The following CNTNAP5 variants were observed in gnomAD, a reference collection of about 807,000 sequenced individuals.
CNTNAP5 encodes contactin-associated protein-like 5.
A neutral mutation model predicts 150.2 loss-of-function variants in CNTNAP5; 72 were observed. The ratio of observed to expected loss-of-function variants is 0.48; its 90% confidence interval spans 0.40 to 0.58. The LOEUF is 0.58. Among genes scored for constraint, CNTNAP5 ranks in the 20% least tolerant of loss-of-function variants. The pLI is 0.00. For missense variants in CNTNAP5, 1,636 were observed against 1,626.2 expected (o/e 1.01, Z -0.10); for synonymous variants, 672 against 619.8 (o/e 1.08, Z -1.25).
intron 3 of CNTNAP5, among the ~76,000 whole-genome samples, chr2:124,404,442 G>T (rs1287113594): frequency 6.6e-6 from 1 of 152,164 alleles, no homozygotes; most frequent in Non-Finnish European, 1.5e-5. Flanking sequence ...ACTCTCCACT[G>T]ATCAGTCCCA....
Position 124,291,561 on chromosome 2 carries a change from C to T in CNTNAP5, c.381+49168C>T, listed in dbSNP as rs150594429. ...TTTCTTCTGTTTTTTTTTTTATATG[C>T]GTAGACCTATGATTTAATCTAAGTT... On this transcript the variant is annotated intron_variant, in intron 3 of 23. Coordinates refer to ENST00000682447, the MANE Select transcript of CNTNAP5 (RefSeq NM_001367498.1). Among the ~76,000 whole-genome samples, 1,422 of 150,752 alleles carry T rather than the reference C, an allele frequency of 9.4e-3. 23 individuals are homozygous for T. Among genetic ancestry groups the T allele is most frequent in the African/African-American group, 0.032 (1,327 of 41,154 alleles).
At chr2:124,071,210 T>C (rs186803335) in intron 1 of CNTNAP5, among the ~76,000 whole-genome samples, 1 of 151,902 alleles carries the variant, frequency 6.6e-6, no homozygotes, top group African/African-American at 2.4e-5. Context: ...TTCTTCATAC[T>C]GAAGAGGGAA....
chr2:124,502,742 T>C (rs1199228120), intron 7 of CNTNAP5, among the ~76,000 whole-genome samples: 2 of 152,154 alleles, frequency 1.3e-5, no homozygotes, highest in African/African-American at 4.8e-5. Flanking sequence ...AAAATGCAAA[T>C]TAAAACAACT....
intron 19 of CNTNAP5, among the ~76,000 whole-genome samples, chr2:124,838,143 T>C (rs2104689189): frequency 6.6e-6 from 1 of 152,224 alleles, no homozygotes; most frequent in African/African-American, 2.4e-5. Flanking sequence ...AAGATAATAA[T>C]TGCAAGAATA....
At chr2:124,890,514 A>G (rs886085335) in intron 21 of CNTNAP5, among the ~76,000 whole-genome samples, 4 of 151,914 alleles carry the variant, frequency 2.6e-5, no homozygotes, top group Non-Finnish European at 5.9e-5. Context: ...TGCTTTCTTC[A>G]CTTCTCAAAT....
At chr2:124,048,965 T>C (rs945273465) in intron 1 of CNTNAP5, among the ~76,000 whole-genome samples, 1 of 152,224 alleles carries the variant, frequency 6.6e-6, no homozygotes, top group African/African-American at 2.4e-5. Flanking sequence ...CTTTCTTTAA[T>C]GGCAATTTTC....
intron 2 of CNTNAP5, among the ~76,000 whole-genome samples, chr2:124,237,056 G>T (rs1351637184): frequency 6.6e-6 from 1 of 152,126 alleles, no homozygotes; most frequent in Non-Finnish European, 1.5e-5. Context: ...TTGAACCCAG[G>T]AGGCAGAAGT....
intron 13 of CNTNAP5, among the ~76,000 whole-genome samples, chr2:124,717,667 T>G (rs1201661185): frequency 6.6e-6 from 1 of 152,164 alleles, no homozygotes; most frequent in Non-Finnish European, 1.5e-5. Flanking sequence ...CTGTTGCTGC[T>G]GGTATGTGGA....
intron 19 of CNTNAP5, among the ~76,000 whole-genome samples, chr2:124,862,825 G>A (rs543645496): frequency 2.0e-5 from 3 of 152,196 alleles, no homozygotes; most frequent in Non-Finnish European, 4.4e-5. Flanking sequence ...GAGTTAGTGG[G>A]AGGTTTCAGA....
At chr2:124,813,945 C>A (rs1438467704) in intron 19 of CNTNAP5, among the ~76,000 whole-genome samples, 2 of 151,888 alleles carry the variant, frequency 1.3e-5, no homozygotes, top group Non-Finnish European at 2.9e-5. Flanking sequence ...ATTCTTCTCC[C>A]AACCTCTAGG....
chr2:124,171,687 G>A (rs1684935046), intron 1 of CNTNAP5, among the ~76,000 whole-genome samples: 1 of 152,320 alleles, frequency 6.6e-6, no homozygotes, highest in Non-Finnish European at 1.5e-5. Flanking sequence ...AGGTGTCCTA[G>A]CCATTCTGGG....
At chr2:124,496,656 G>A (rs60406972) in intron 7 of CNTNAP5, among the ~76,000 whole-genome samples, 1 of 152,144 alleles carries the variant, frequency 6.6e-6, no homozygotes, top group Non-Finnish European at 1.5e-5. Flanking sequence ...CTTCAAGCTG[G>A]GCCTGCTGTA....
At chr2:124,468,123 C>T (rs1363105259) in intron 6 of CNTNAP5, among the ~76,000 whole-genome samples, 4 of 151,952 alleles carry the variant, frequency 2.6e-5, no homozygotes, top group Admixed American at 1.3e-4. Flanking sequence ...GTAGGACCTG[C>T]CTTAGTGTAC....
intron 13 of CNTNAP5, among the ~76,000 whole-genome samples, chr2:124,677,275 G>A (rs567378284): frequency 3.3e-5 from 5 of 152,274 alleles, no homozygotes; most frequent in South Asian, 2.1e-4. Context: ...TGGGTTCATG[G>A]TCTTGCTGAC....
intron 1 of CNTNAP5, among the ~76,000 whole-genome samples, chr2:124,199,279 A>G (rs1412779956): frequency 3.9e-5 from 6 of 152,178 alleles, no homozygotes; most frequent in African/African-American, 1.4e-4. Flanking sequence ...TTTAGGGAAC[A>G]TCACAATTGC....
At chr2:124,124,306 G>T (rs555483765) in intron 1 of CNTNAP5, among the ~76,000 whole-genome samples, 1 of 152,116 alleles carries the variant, frequency 6.6e-6, no homozygotes, top group Non-Finnish European at 1.5e-5. Context: ...GGAAGAAAGG[G>T]TATCAGTGAT....
chr2:124,187,198 G>T (rs1299378028), intron 1 of CNTNAP5, among the ~76,000 whole-genome samples: 1 of 152,192 alleles, frequency 6.6e-6, no homozygotes, highest in East Asian at 1.9e-4. Context: ...AGATGGATAT[G>T]CATTACTAGT....
chr2:124,896,785 C>T (rs907791012), intron 21 of CNTNAP5, among the ~76,000 whole-genome samples: 5 of 151,694 alleles, frequency 3.3e-5, no homozygotes, highest in African/African-American at 4.9e-5. Context: ...GTGATCCACA[C>T]GCTTCGGCCT....
chr2:124,692,789 T>C, intron 13 of CNTNAP5, among the ~76,000 whole-genome samples: 1 of 152,104 alleles, frequency 6.6e-6, no homozygotes, highest in East Asian at 1.9e-4. Flanking sequence ...GCTGAAGGTA[T>C]TATCTTCCCT....
Sources: gnomAD v4.1 joint callset for allele counts (sites outside exome capture counted in the v4.1 genomes callset) on GRCh38, gnomAD v4.1.1 for gene constraint, MANE v1.5 for transcripts, NCBI Gene and HGNC (gene_info 2026-07-23, HGNC 2026-07-21) for gene names.